The following LMOD3 variants were observed in gnomAD, a reference collection of about 807,000 sequenced individuals.
LMOD3 encodes leiomodin-3.
A neutral mutation model predicts 41.8 loss-of-function variants in LMOD3; 31 were observed. The ratio of observed to expected loss-of-function variants is 0.74; its 90% CI spans 0.56 to 1.00. The LOEUF (loss-of-function observed/expected upper bound fraction) is 1.00, where lower values mean the gene tolerates loss of function less well. Among genes scored for constraint, LMOD3 ranks in the 50% least tolerant of loss-of-function variants. LMOD3 has a pLI of 0.00. For synonymous variants in LMOD3, 292 were observed against 241.9 expected (o/e 1.21, Z -1.92); for missense variants, 755 against 679.5 (o/e 1.11, Z -1.23).
At chr3:69,113,393 G>A (rs963950427) in intron 2 of LMOD3, among the ~76,000 whole-genome samples, 1 of 152,252 alleles carries the variant, frequency 6.6e-6, no homozygotes, top group South Asian at 2.1e-4. Context: ...GAGGAGAAAA[G>A]TACAAAAGGA....
At position 69,110,851 on chromosome 3, in the gene LMOD3, A is replaced by AT. The variant is rs1229866841; in HGVS notation, c.1657-1731_1657-1730insA. ...GAGACACCATCTCAAAAAAAAAAAA[A>AT]AAATATATATATATATATATATATA... On this transcript the variant is annotated intron_variant, in intron 2 of 2. Transcript: ENST00000420581. Among the ~76,000 whole-genome samples, 159 of 120,764 alleles carry AT rather than the reference A, an allele frequency of 1.3e-3. 1 individual carries two copies. Among genetic ancestry groups the AT allele is most frequent in the South Asian group, 3.6e-3 (12 of 3,350 alleles). The allele number at this position is 120,764 out of a possible 152,430, so 79.2% of individuals were successfully genotyped here.
At chr3:69,110,838 C>CAAAAAAAAAAAAAAAAAAA (rs774402446) in intron 2 of LMOD3, among the ~76,000 whole-genome samples, 2 of 67,006 alleles carry the variant, frequency 3.0e-5, no homozygotes, top group African/African-American at 1.6e-4. Context: ...GACACCATCT[C>CAAAAAAAAAAAAAAAAAAA]AAAAAAAAAA....
In LMOD3 at chr3:69,108,853, T is replaced by G. The variant is rs912342568; in HGVS notation, c.*242A>C. On this transcript the variant is annotated 3_prime_UTR_variant, in exon 3 of 3. Coordinates refer to ENST00000420581, the MANE Select transcript of LMOD3 (RefSeq NM_198271.5). Reference sequence around the variant, plus strand: ...TAAATTTCACCTGAGTCACTCAAATTGATTGCAAGTAGAAAATATTGCCTC... The same window carrying G: ...TAAATTTCACCTGAGTCACTCAAATGGATTGCAAGTAGAAAATATTGCCTC... 7.7e-6 allele frequency: 3 copies of G among 387,368 alleles called. No homozygotes were observed. Among genetic ancestry groups the G allele is most frequent in the African/African-American group, 6.2e-5 (3 of 48,170 alleles). 24.0% of individuals were successfully genotyped at this position (387,368 alleles called of 1,614,324 possible).
rs1311578143 is a variant in LMOD3 at position 69,122,333 on chromosome 3, A to G, written c.54T>C (p.Ile18=). The G allele has an allele frequency of 1.9e-6, 3 of 1,612,774 alleles. No individual in the cohort carries two copies. Among genetic ancestry groups the G allele is most frequent in the Non-Finnish European group, 2.5e-6 (3 of 1,179,234 alleles). The change falls in exon 1 of 3, where the codon ATT becomes ATC. Residue 18 remains isoleucine, a synonymous_variant. Coordinates refer to ENST00000420581, the MANE Select transcript of LMOD3 (RefSeq NM_198271.5). The part of the protein sequence containing the change: ...SDQEELLDEE[I]NEDEILANLS... ...AGTTGGCCAAGATTTCATCTTCATT[A>G]ATCTCCTCATCGAGAAGTTCTTCTT... is the stretch of plus-strand genomic sequence containing the variant.
intron 1 of LMOD3, 31 bp from the exon 2 acceptor site, chr3:69,120,091 C>T: frequency 6.5e-7 from 1 of 1,545,048 alleles, no homozygotes; most frequent in South Asian, 1.3e-5. Flanking sequence ...GGTTAGAATA[C>T]ATAGCAGAGA....
chr3:69,111,090 C>T (rs1226976945), intron 2 of LMOD3, among the ~76,000 whole-genome samples: 3 of 151,892 alleles, frequency 2.0e-5, no homozygotes, highest in African/African-American at 7.3e-5. Context: ...CCCAGTGTCC[C>T]CAGGGCATTT....
chr3:69,110,254 A>C (rs963295583), intron 2 of LMOD3, among the ~76,000 whole-genome samples: 1 of 151,348 alleles, frequency 6.6e-6, no homozygotes, highest in Non-Finnish European at 1.5e-5. Flanking sequence ...TTTTTAGACA[A>C]AGTCTTACTC....
chr3:69,120,319 G>T (rs2092401383), intron 1 of LMOD3, among the ~76,000 whole-genome samples: 1 of 151,900 alleles, frequency 6.6e-6, no homozygotes, highest in Non-Finnish European at 1.5e-5. Context: ...GTTAAAAATT[G>T]TTTTGAAAAC....
chr3:69,113,470 G>A (rs567326345), intron 2 of LMOD3, among the ~76,000 whole-genome samples: 1 of 152,340 alleles, frequency 6.6e-6, no homozygotes, highest in South Asian at 2.1e-4. Flanking sequence ...GAAATGGCCA[G>A]TGATGAAGAT....
Position 69,119,325 on chromosome 3 carries a change from G to T in LMOD3, c.1030C>A (p.Arg344=). The change falls in exon 2 of 3, where the codon CGG becomes AGG. Residue 344 remains arginine (R), a synonymous_variant. Coordinates refer to ENST00000420581, the MANE Select transcript of LMOD3 (RefSeq NM_198271.5). ...AACATGTGCCTCTGATTGTGAAACC[G>T]AAGCTCAGTTAGCGTCTCATTAAAC... ...LQFNETLTEL[R]FHNQRHMLGH... 2 of 1,613,876 alleles carry T rather than the reference G, an allele frequency of 1.2e-6. No homozygotes were observed. The highest frequency in any genetic ancestry group is 1.7e-6 in the Non-Finnish European group (2 of 1,179,862).
Position 69,106,150 on chromosome 3 carries a change from A to G in LMOD3, c.*2945T>C, listed in dbSNP as rs534898341. 2 of 152,350 alleles carry G rather than the reference A, an allele frequency of 1.3e-5. No homozygotes were observed. The highest frequency in any genetic ancestry group is 1.3e-4 in the Admixed American group (2 of 15,294). The allele number at this position is 152,350 out of a possible 1,614,324, so 9.4% of individuals were successfully genotyped here. On this transcript the variant is annotated 3_prime_UTR_variant, in exon 3 of 3. Coordinates refer to ENST00000420581, the MANE Select transcript of LMOD3 (RefSeq NM_198271.5). ...CGACCCTATAAACAGTGAAGCAAAC[A>G]CTTCAGCTGTTTCAAATACTGTTTA...
chr3:69,119,876 TCTC>T lies in LMOD3; in HGVS notation c.476_478del (p.Gly159del). 1 of 1,553,272 alleles carries T rather than the reference TCTC, an allele frequency of 6.4e-7. No individual in the cohort carries two copies. Among genetic ancestry groups the T allele is most frequent in the Non-Finnish European group, 8.7e-7 (1 of 1,145,814 alleles). On this transcript the variant is annotated inframe_deletion, in exon 2 of 3. Coordinates refer to ENST00000420581, the MANE Select transcript of LMOD3 (RefSeq NM_198271.5). Reference sequence around the variant, plus strand: ...TTCTTCACTCTCTTCACCATCATCTTCTCCTTCGTCGTCATCATCATCATCTTC... The same window carrying T: ...TTCTTCACTCTCTTCACCATCATCTTCTTCGTCGTCATCATCATCATCTTC...
chr3:69,113,709 A>G (rs2092359386), intron 2 of LMOD3, among the ~76,000 whole-genome samples: 1 of 152,250 alleles, frequency 6.6e-6, no homozygotes, highest in Admixed American at 6.5e-5. Flanking sequence ...CGTGATTGGC[A>G]CAGAAGCTTG....
At chr3:69,113,320 G>C (rs1241522344) in intron 2 of LMOD3, among the ~76,000 whole-genome samples, 2 of 152,094 alleles carry the variant, frequency 1.3e-5, no homozygotes, top group Non-Finnish European at 2.9e-5. Flanking sequence ...GGGAGATTTG[G>C]GAATTGTTCT....
chr3:69,117,851 T>TTTTTTTTTTTTTTTTTA (rs1559660748), intron 2 of LMOD3, among the ~76,000 whole-genome samples: 2 of 151,050 alleles, frequency 1.3e-5, no homozygotes, highest in African/African-American at 4.9e-5. Context: ...TTTTTTTTTT[T>TTTTTTTTTTTTTTTTTA]AGATGGAGTC....
chr3:69,118,643 G>T, intron 2 of LMOD3, 56 bp downstream of exon 2: 1 of 1,528,630 alleles, frequency 6.5e-7, no homozygotes, highest in Non-Finnish European at 8.8e-7. Context: ...GAATAAAGTT[G>T]GGATGCATTT....
At chr3:69,109,861 C>G (rs1464037092) in intron 2 of LMOD3, among the ~76,000 whole-genome samples, 1 of 152,016 alleles carries the variant, frequency 6.6e-6, no homozygotes, top group Non-Finnish European at 1.5e-5. Context: ...TTACATCCTA[C>G]AAAAGCCTTG....
Position 69,119,821 on chromosome 3 carries a change from C to T in LMOD3, c.534G>A (p.Lys178=). ...TGTTCTCACAATTTCTAATTTGTTC[C>T]TTTGCTTTGCCTTCCTCTTCTCTGT... The part of the protein sequence containing the change: ...ETNREEEGKA[K]EQIRNCENNC... Residue 178 remains lysine (K), a synonymous_variant, in exon 2 of 3, where the codon AAG becomes AAA. Coordinates refer to ENST00000420581, the MANE Select transcript of LMOD3 (RefSeq NM_198271.5). The T allele has an allele frequency of 6.3e-7, 1 of 1,584,696 alleles. No homozygotes were observed. Among genetic ancestry groups the T allele is most frequent in the Non-Finnish European group, 8.6e-7 (1 of 1,163,918 alleles).
intron 2 of LMOD3, among the ~76,000 whole-genome samples, chr3:69,115,483 AACACACACACACACAC>A (rs10604147): frequency 1.9e-4 from 27 of 144,932 alleles, no homozygotes; most frequent in South Asian, 4.4e-4. Flanking sequence ...TCCTGCCTCA[AACACACACACACACAC>A]ACACACACAC....
Sources: allele counts gnomAD v4.1 joint callset (sites outside exome capture counted in the v4.1 genomes callset), GRCh38; gene constraint gnomAD v4.1.1; transcripts MANE v1.5; gene names NCBI Gene and HGNC (gene_info 2026-07-23, HGNC 2026-07-21).